Variants in RALYL observed in about 807,000 individuals in gnomAD.
The protein encoded by RALYL is RALY RNA binding protein like, also known as RNA-binding Raly-like protein.
A neutral mutation model predicts 35.1 loss-of-function variants in RALYL; 29 were observed. The observed-to-expected ratio is 0.83, with a 90% confidence interval of 0.61 to 1.13. The LOEUF is 1.13. Among genes scored for constraint, RALYL ranks in the 50% most tolerant of loss-of-function variants. The pLI is 0.00. For missense variants in RALYL, 359 were observed against 360.4 expected (o/e 1.00, Z 0.03); for synonymous variants, 120 against 127.6 (o/e 0.94, Z 0.40).
At chr8:84,469,190 CTG>C (rs2052281390) in intron 1 of RALYL, among the ~76,000 whole-genome samples, 1 of 152,188 alleles carries the variant, frequency 6.6e-6, no homozygotes, top group Admixed American at 6.5e-5. Flanking sequence ...TGGTGAGGAA[CTG>C]TGTTCCTTTG....
intron 1 of RALYL, among the ~76,000 whole-genome samples, chr8:84,369,602 G>T (rs1855262805): frequency 6.6e-6 from 1 of 151,924 alleles, no homozygotes; most frequent in Admixed American, 6.6e-5. Flanking sequence ...TTAATCATTG[G>T]CTTTACTTTT....
intron 2 of RALYL, among the ~76,000 whole-genome samples, chr8:84,646,481 G>A (rs1827518595): frequency 2.0e-5 from 3 of 151,900 alleles, no homozygotes; most frequent in Admixed American, 6.6e-5. Flanking sequence ...GGTCTCTTAA[G>A]TTCTTTGGTT....
intron 1 of RALYL, among the ~76,000 whole-genome samples, chr8:84,216,496 T>G (rs1820862594): frequency 1.3e-5 from 2 of 152,164 alleles, no homozygotes; most frequent in Non-Finnish European, 2.9e-5. Context: ...AGTAAAATAT[T>G]TACTACAGTG....
At chr8:84,816,752 A>G (rs1168448518) in intron 4 of RALYL, among the ~76,000 whole-genome samples, 2 of 152,150 alleles carry the variant, frequency 1.3e-5, no homozygotes, top group African/African-American at 4.8e-5. Flanking sequence ...TTAAGTAACT[A>G]TAAGAGTGTA....
At chr8:84,725,155 C>A (rs1052759818) in intron 2 of RALYL, among the ~76,000 whole-genome samples, 1 of 151,592 alleles carries the variant, frequency 6.6e-6, no homozygotes, top group African/African-American at 2.4e-5. Context: ...AGTACCAATG[C>A]TATTCAAGTG....
intron 4 of RALYL, among the ~76,000 whole-genome samples, chr8:84,843,016 G>T (rs1335819390): frequency 2.0e-5 from 3 of 152,146 alleles, no homozygotes; most frequent in Non-Finnish European, 4.4e-5. Context: ...ATATCATACT[G>T]AATGGGCAAA....
intron 6 of RALYL, chr8:84,864,843 C>T: frequency 1.8e-6 from 1 of 545,350 alleles, no homozygotes; most frequent in Non-Finnish European, 3.5e-6. Context: ...AGTCACATCC[C>T]AGAGAGTACC....
At chr8:84,268,411 T>C (rs535009515) in intron 1 of RALYL, among the ~76,000 whole-genome samples, 4 of 152,216 alleles carry the variant, frequency 2.6e-5, no homozygotes, top group Non-Finnish European at 5.9e-5. Flanking sequence ...ATATGTAATA[T>C]GTAGGTTCAA....
intron 1 of RALYL, among the ~76,000 whole-genome samples, chr8:84,311,588 A>G (rs1842822074): frequency 1.3e-5 from 2 of 152,146 alleles, no homozygotes; most frequent in Admixed American, 1.3e-4. Flanking sequence ...CTCTTATCCT[A>G]AAGAGAATTG....
intron 1 of RALYL, among the ~76,000 whole-genome samples, chr8:84,359,879 TG>T (rs1423391650): frequency 4.0e-5 from 5 of 126,452 alleles, no homozygotes; most frequent in South Asian, 2.4e-4. Context: ...AAAAATATCA[TG>T]TTTTTTTTTT....
At chr8:84,810,426 T>A (rs374769556) in intron 4 of RALYL, among the ~76,000 whole-genome samples, 3 of 152,138 alleles carry the variant, frequency 2.0e-5, no homozygotes, top group East Asian at 1.9e-4. Context: ...TTTTAGAAAG[T>A]CCCATGCACT....
At position 84,405,921 on chromosome 8, in the gene RALYL, G is replaced by A. The variant is rs182430788; in HGVS notation, c.-23-123378G>A. Reference sequence around the variant, plus strand: ...TGCAAGCTCTGCCTCCCGGGTTCACGCCATTCGCCTGCCTCAGCCTCCCAA... The same window carrying A: ...TGCAAGCTCTGCCTCCCGGGTTCACACCATTCGCCTGCCTCAGCCTCCCAA... On this transcript the variant is annotated intron_variant, in intron 1 of 8. Coordinates refer to ENST00000521268, the MANE Select transcript of RALYL (RefSeq NM_173848.7). 1.4e-3 allele frequency among the ~76,000 whole-genome samples: 198 copies of A among 144,046 alleles called. 1 individual carries two copies. Among genetic ancestry groups the A allele is most frequent in the African/African-American group, 4.6e-3 (176 of 38,618 alleles). 94.5% of individuals were successfully genotyped at this position (144,046 alleles called of 152,430 possible).
intron 2 of RALYL, among the ~76,000 whole-genome samples, chr8:84,543,530 T>G (rs1325435162): frequency 6.6e-6 from 1 of 151,922 alleles, no homozygotes; most frequent in East Asian, 1.9e-4. Context: ...AGTAAAGTGG[T>G]TTCCTAGTAT....
rs554165228 is a variant in RALYL at position 84,340,890 on chromosome 8, A to C, written c.-24+156466A>C. 3.3e-5 allele frequency among the ~76,000 whole-genome samples: 5 copies of C among 152,152 alleles called. No homozygotes were observed. The South Asian group carries it at 6.2e-4, about 19-fold the overall frequency. On this transcript the variant is annotated intron_variant, in intron 1 of 8. Transcript: ENST00000521268. ...TATTTTTAAGTCTTTTGGAATTGCTATACTGTTTGTATACAGGCCACACCA... is the reference window on the plus strand; with the variant it reads ...TATTTTTAAGTCTTTTGGAATTGCTCTACTGTTTGTATACAGGCCACACCA...
chr8:84,898,580 C>T (rs1042146082), intron 8 of RALYL, among the ~76,000 whole-genome samples: 2 of 152,152 alleles, frequency 1.3e-5, no homozygotes, highest in East Asian at 1.9e-4. Flanking sequence ...CATCAGTCTT[C>T]AAGAAAGTAC....
At chr8:84,374,338 T>C (rs1856505780) in intron 1 of RALYL, among the ~76,000 whole-genome samples, 1 of 151,986 alleles carries the variant, frequency 6.6e-6, no homozygotes, top group Non-Finnish European at 1.5e-5. Flanking sequence ...ATATTGTCTG[T>C]GAGTTTGTCA....
chr8:84,288,160 G>GTT lies in RALYL; in HGVS notation c.-24+103744_-24+103745dup, dbSNP rs113037990. ...TATTGGTTACAGAGGTGGTTCTCCT[G>GTT]TTTTTTTTTGTTTTGTTTTTGTTTT... is the stretch of plus-strand genomic sequence containing the variant. On this transcript the variant is annotated intron_variant, in intron 1 of 8. Coordinates refer to ENST00000521268, the MANE Select transcript of RALYL (RefSeq NM_173848.7). Among the ~76,000 whole-genome samples, 1,286 of 150,854 alleles carry GTT rather than the reference G, an allele frequency of 8.5e-3. 7 individuals carry two copies. Among genetic ancestry groups the GTT allele is most frequent in the Middle Eastern group, 0.024 (7 of 294 alleles).
chr8:84,324,722 T>C (rs904462977), intron 1 of RALYL, among the ~76,000 whole-genome samples: 10 of 151,804 alleles, frequency 6.6e-5, no homozygotes, highest in Admixed American at 5.2e-4. Context: ...AAAATCCTGC[T>C]CCCTTCCCAC....
intron 2 of RALYL, among the ~76,000 whole-genome samples, chr8:84,759,911 C>T (rs2718985): frequency 0.27 from 40,806 of 151,992 alleles, 5,889 homozygotes; most frequent in African/African-American, 0.35. Context: ...TAGTCTAGAC[C>T]TCCACCAGTG....
Sources: gnomAD v4.1 joint callset for allele counts (sites outside exome capture counted in the v4.1 genomes callset) on GRCh38, gnomAD v4.1.1 for gene constraint, MANE v1.5 for transcripts, NCBI Gene and HGNC (gene_info 2026-07-23, HGNC 2026-07-21) for gene names.